FGF14: variants seen among roughly 807,000 people sequenced by gnomAD.
FGF14 encodes the protein fibroblast growth factor homologous factor 4.
In FGF14, 5 loss-of-function variants were observed where a neutral mutation model predicts 25.5. That is an observed-to-expected ratio of 0.20 (90% CI 0.10 to 0.41). FGF14 has a LOEUF of 0.41. FGF14 is among the 10% of genes least tolerant of loss of function. The pLI is 1.00. For synonymous variants in FGF14, 138 were observed against 118.3 expected (o/e 1.17, Z -1.08); for missense variants, 222 against 320.1 (o/e 0.69, Z 2.34).
At chr13:101,976,320 T>C (rs2037923156) in intron 1 of FGF14, among the ~76,000 whole-genome samples, 1 of 152,230 alleles carries the variant, frequency 6.6e-6, no homozygotes, top group African/African-American at 2.4e-5. Context: ...ATTAATAAGT[T>C]CTGTTTAAGC....
intron 1 of FGF14, among the ~76,000 whole-genome samples, chr13:102,204,885 C>A (rs2049835432): frequency 6.6e-6 from 1 of 152,074 alleles, no homozygotes; most frequent in African/African-American, 2.4e-5. Context: ...GATTATATCA[C>A]AAGGTATAAG....
At chr13:102,073,764 A>G (rs1286536673) in intron 1 of FGF14, among the ~76,000 whole-genome samples, 2 of 152,194 alleles carry the variant, frequency 1.3e-5, no homozygotes, top group Non-Finnish European at 2.9e-5. Context: ...TACTTGCATT[A>G]ACATGTTTAA....
At chr13:102,095,144 T>C (rs535344964) in intron 1 of FGF14, among the ~76,000 whole-genome samples, 87 of 152,290 alleles carry the variant, frequency 5.7e-4, no homozygotes, top group South Asian at 5.6e-3. Flanking sequence ...CCAGATGTTG[T>C]GCATAACTTC....
intron 1 of FGF14, chr13:102,366,625 A>AT (rs1243796089): frequency 6.7e-6 from 1 of 148,942 alleles, no homozygotes; most frequent in Non-Finnish European, 1.5e-5. Flanking sequence ...TTGCAAAAAA[A>AT]AAAAAAAAAA....
chr13:102,154,725 T>C (rs1228600886), intron 1 of FGF14, among the ~76,000 whole-genome samples: 24 of 151,932 alleles, frequency 1.6e-4, no homozygotes, highest in Non-Finnish European at 2.8e-4. Context: ...GACTGGCAAA[T>C]TGGATAAAGA....
At chr13:102,078,755 C>A (rs1347450188) in intron 1 of FGF14, among the ~76,000 whole-genome samples, 1 of 152,104 alleles carries the variant, frequency 6.6e-6, no homozygotes, top group African/African-American at 2.4e-5. Flanking sequence ...TGGAAACTCT[C>A]GACGTGTATT....
intron 3 of FGF14, among the ~76,000 whole-genome samples, chr13:101,806,437 A>AAAG (rs1254685744): frequency 2.0e-5 from 3 of 151,880 alleles, no homozygotes; most frequent in African/African-American, 7.2e-5. Context: ...AAAAAAAAAA[A>AAAG]AAGGAAGAAA....
chr13:101,894,060 T>C (rs1594634915), intron 1 of FGF14, among the ~76,000 whole-genome samples: 1 of 151,754 alleles, frequency 6.6e-6, no homozygotes, highest in Non-Finnish European at 1.5e-5. Flanking sequence ...TGCAGAGATA[T>C]GGAAAGATAT....
At chr13:102,105,843 G>T (rs2044881613) in intron 1 of FGF14, among the ~76,000 whole-genome samples, 1 of 152,082 alleles carries the variant, frequency 6.6e-6, no homozygotes, top group South Asian at 2.1e-4. Context: ...GGAGATATTG[G>T]ATTCAATGCA....
rs115074044 is a variant in FGF14, at chr13:101,952,686, C to T, written c.209-77390G>A. ...AACCTGGCACCAAAATAAACTTCAT[C>T]TGGACTATTCCTAAACCACTTCTGA... On this transcript the variant is annotated intron_variant, in intron 1 of 4. Coordinates refer to the FGF14 transcript ENST00000376131. Among the ~76,000 whole-genome samples, 439 of 152,210 alleles carry T rather than the reference C, an allele frequency of 2.9e-3. 1 individual carries two copies. The highest frequency in any genetic ancestry group is 0.01 in the African/African-American group (422 of 41,528).
At chr13:102,262,853 G>T (rs1293632304) in intron 1 of FGF14, among the ~76,000 whole-genome samples, 1 of 152,116 alleles carries the variant, frequency 6.6e-6, no homozygotes, top group Non-Finnish European at 1.5e-5. Context: ...TGAACGAAAG[G>T]TCTCACGTAT....
chr13:101,915,908 A>G (rs1316676039), intron 1 of FGF14, among the ~76,000 whole-genome samples: 1 of 152,202 alleles, frequency 6.6e-6, no homozygotes, highest in Non-Finnish European at 1.5e-5. Flanking sequence ...GGACTGGGCC[A>G]TAGTTCACAC....
intron 3 of FGF14, among the ~76,000 whole-genome samples, chr13:101,822,930 C>A (rs1173289035): frequency 6.6e-6 from 1 of 152,158 alleles, no homozygotes; most frequent in Non-Finnish European, 1.5e-5. Flanking sequence ...CTACTTTCCA[C>A]CCACATTAGA....
At chr13:102,366,111 A>G (rs1469068862) in intron 1 of FGF14, among the ~76,000 whole-genome samples, 1 of 152,170 alleles carries the variant, frequency 6.6e-6, no homozygotes, top group African/African-American at 2.4e-5. Flanking sequence ...CACCCAACAC[A>G]AGGTTATTAA....
intron 1 of FGF14, among the ~76,000 whole-genome samples, chr13:102,062,232 G>GA (rs1340070960): frequency 2.0e-5 from 3 of 151,944 alleles, no homozygotes; most frequent in African/African-American, 7.3e-5. Context: ...CTACCAACCG[G>GA]AAAAGATACT....
intron 1 of FGF14, among the ~76,000 whole-genome samples, chr13:102,096,812 A>T (rs1326553350): frequency 6.6e-6 from 1 of 152,174 alleles, no homozygotes; most frequent in East Asian, 1.9e-4. Flanking sequence ...GTCAGGAAGA[A>T]AAAGAAACTG....
intron 1 of FGF14, among the ~76,000 whole-genome samples, chr13:102,318,379 AC>A (rs1179067103): frequency 1.3e-5 from 2 of 152,180 alleles, no homozygotes; most frequent in Non-Finnish European, 2.9e-5. Context: ...GGCTGCTGTA[AC>A]AAGGCACCAT....
chr13:102,089,039 CTTCTAAAACCCAGTT>C (rs2044053763), intron 1 of FGF14, among the ~76,000 whole-genome samples: 1 of 152,148 alleles, frequency 6.6e-6, no homozygotes, highest in Non-Finnish European at 1.5e-5. Flanking sequence ...GTTGAAAATA[CTTCTAAAACCCAGTT>C]TTCTGCCATC....
At chr13:102,258,979 T>C (rs1211355408) in intron 1 of FGF14, among the ~76,000 whole-genome samples, 2 of 152,168 alleles carry the variant, frequency 1.3e-5, no homozygotes, top group African/African-American at 4.8e-5. Flanking sequence ...TGTATGTGTA[T>C]TTTTTCTAGA....
Sources: gnomAD v4.1 joint callset for allele counts (sites outside exome capture counted in the v4.1 genomes callset) on GRCh38, gnomAD v4.1.1 for gene constraint, MANE v1.5 for transcripts, NCBI Gene and HGNC (gene_info 2026-07-23, HGNC 2026-07-21) for gene names.